NDUFA10: variants seen among roughly 807,000 people sequenced by gnomAD.
NDUFA10 encodes the protein NADH dehydrogenase [ubiquinone] 1 alpha subcomplex subunit 10, mitochondrial.
Under a neutral mutation model 47.8 loss-of-function variants are expected in NDUFA10, and 40 were observed. The observed-to-expected ratio is 0.84, with a 90% CI of 0.65 to 1.09. NDUFA10 has a LOEUF of 1.09. Among genes scored for constraint, NDUFA10 ranks in the 50% least tolerant of loss-of-function variants. The probability of loss-of-function intolerance (pLI) is 0.00; values close to 1 mark genes in which losing one functional copy is unlikely to be tolerated. For missense variants in NDUFA10, 413 were observed against 451.1 expected (o/e 0.92, Z 0.76); for synonymous variants, 183 against 172.2 (o/e 1.06, Z -0.49).
At chr2:239,989,740 CAA>C (rs914697688) in intron 9 of NDUFA10, among the ~76,000 whole-genome samples, 1 of 152,194 alleles carries the variant, frequency 6.6e-6, no homozygotes, top group Non-Finnish European at 1.5e-5. Context: ...TATTTACAGA[CAA>C]AGAGTAAGAA....
chr2:239,983,370 ATG>A (rs1314609874), intron 9 of NDUFA10: 53 of 1,315,412 alleles, frequency 4.0e-5, no homozygotes, highest in Non-Finnish European at 5.2e-5. Context: ...ACTGCTGCTG[ATG>A]TCTCTGATGG....
At chr2:239,914,331 TACAG>T (rs1270929465) in intron 4 of NDUFA10, among the ~76,000 whole-genome samples, 1 of 130,414 alleles carries the variant, frequency 7.7e-6, no homozygotes, top group African/African-American at 3.0e-5. Context: ...CACATACATA[TACAG>T]ACACACACAA....
intron 9 of NDUFA10, among the ~76,000 whole-genome samples, chr2:239,989,083 C>A (rs112401251): frequency 6.7e-4 from 102 of 152,318 alleles, no homozygotes; most frequent in African/African-American, 2.4e-3. Flanking sequence ...ACAGCACACA[C>A]ACTCACACAC....
chr2:239,988,042 T>G (rs1284834960), intron 9 of NDUFA10, among the ~76,000 whole-genome samples: 1 of 151,974 alleles, frequency 6.6e-6, no homozygotes, highest in Non-Finnish European at 1.5e-5. Context: ...TATAAAACAG[T>G]AAGATAACTA....
At position 240,018,613 on chromosome 2, in the gene NDUFA10, T is replaced by C. The variant is rs754283312; in HGVS notation, c.487A>G (p.Ile163Val). ...TGQGVVLERS[I>V]FSDFVFLEAM... ...TCCAGGAACACAAAGTCACTGAAGA[T>C]GGAGCGCTCCAACACAACACCTTGT... Residue 163 changes from isoleucine to valine, a missense_variant, in exon 4 of 10, where the codon ATC becomes GTC. By Grantham distance (29) the Ile-to-Val change is conservative. Coordinates refer to ENST00000252711, the MANE Select transcript of NDUFA10 (RefSeq NM_004544.4). The C allele has an allele frequency of 1.2e-6, 2 of 1,614,184 alleles. No individual in the cohort carries two copies. The highest frequency in any genetic ancestry group is 1.1e-5 in the South Asian group (1 of 91,082).
At chr2:239,915,629 CA>C (rs1171848797) in intron 4 of NDUFA10, among the ~76,000 whole-genome samples, 1 of 149,214 alleles carries the variant, frequency 6.7e-6, no homozygotes, top group Non-Finnish European at 1.5e-5. Flanking sequence ...CAGACACACA[CA>C]AATATACAGA....
intron 9 of NDUFA10, chr2:239,982,097 G>A: frequency 1.2e-6 from 2 of 1,612,376 alleles, no homozygotes; most frequent in South Asian, 2.2e-5. Flanking sequence ...CAGCAAACCA[G>A]TGACCTGACA....
At chr2:239,898,769 C>T (rs772610466) in intron 4 of NDUFA10, among the ~76,000 whole-genome samples, 12 of 152,332 alleles carry the variant, frequency 7.9e-5, no homozygotes, top group African/African-American at 2.2e-4. Context: ...GAGTGCACAA[C>T]GAAGTCCTAC....
chr2:240,001,414 T>C (rs1333063193), intron 8 of NDUFA10, among the ~76,000 whole-genome samples: 2 of 152,228 alleles, frequency 1.3e-5, no homozygotes, highest in Non-Finnish European at 2.9e-5. Context: ...TATATACACA[T>C]GGTTCTGAGC....
intron 7 of NDUFA10, among the ~76,000 whole-genome samples, chr2:240,006,078 C>A (rs79544075): frequency 6.6e-6 from 1 of 152,142 alleles, no homozygotes; most frequent in Non-Finnish European, 1.5e-5. Context: ...TCTTTCCATA[C>A]GCATTCTCTC....
In NDUFA10 at chr2:240,016,360, G is replaced by A. The variant is rs1319744042; in HGVS notation, c.548-1500C>T. ...CTGAGGTGAAACCTCCCTTCACCGA[G>A]TCTGCTCTCACCCTGCTTCCCACCC... On this transcript the variant is annotated intron_variant, in intron 4 of 9. Transcript: ENST00000252711. The surrounding 1 kb of genome is among the most constrained non-coding windows in gnomAD (Gnocchi z 4.4). Among the ~76,000 whole-genome samples the A allele has an allele frequency of 3.3e-5, 5 of 152,154 alleles. No individual in the cohort carries two copies.
chr2:239,973,117 C>T (rs868054124), intron 9 of NDUFA10, among the ~76,000 whole-genome samples: 4 of 152,142 alleles, frequency 2.6e-5, no homozygotes, highest in Admixed American at 6.5e-5. Flanking sequence ...AGATTAACGC[C>T]GAGTTTCTAT....
At chr2:239,920,152 T>C (rs1175925273) in intron 4 of NDUFA10, among the ~76,000 whole-genome samples, 1 of 152,170 alleles carries the variant, frequency 6.6e-6, no homozygotes, top group Non-Finnish European at 1.5e-5. Context: ...GGCCCCATGA[T>C]GGGACTGGGA....
In NDUFA10 at chr2:239,899,111, C is replaced by A. The variant is rs188350302; in HGVS notation, c.295-3797G>T. 8.6e-3 allele frequency among the ~76,000 whole-genome samples: 31 copies of A among 3,592 alleles called. 8 individuals are homozygous for A. The highest frequency in any genetic ancestry group is 0.045 in the South Asian group (1 of 22). 2.4% of individuals were successfully genotyped at this position (3,592 alleles called of 152,430 possible). A position where few individuals can be genotyped will look rare whatever the true frequency, so the allele number is the denominator to read the frequency against. On this transcript the variant is annotated intron_variant, in intron 4 of 5. Transcript: ENST00000419408. ...GGAGGGGTGTGGTGGAGGGGTGTGA[C>A]GGAGGGGTGTGATGGAGAGGTGTGA...
At chr2:239,925,643 G>T (rs574279866) in intron 4 of NDUFA10, among the ~76,000 whole-genome samples, 2 of 152,144 alleles carry the variant, frequency 1.3e-5, no homozygotes, top group Admixed American at 1.3e-4. Context: ...GACTTGACTC[G>T]TAAAGTATTA....
chr2:239,989,048 C>T (rs943554825), intron 9 of NDUFA10, among the ~76,000 whole-genome samples: 2 of 152,022 alleles, frequency 1.3e-5, no homozygotes, highest in Non-Finnish European at 2.9e-5. Context: ...CGCACTCACA[C>T]AAGTATACAA....
intron 3 of NDUFA10, 95 bp from the exon 4 acceptor site, chr2:240,018,734 C>G: frequency 7.7e-7 from 1 of 1,294,942 alleles, no homozygotes; most frequent in Middle Eastern, 2.1e-4. Context: ...AAATAACAAT[C>G]ATTTACAATT....
intron 9 of NDUFA10, among the ~76,000 whole-genome samples, chr2:239,966,721 T>TC (rs1472624277): frequency 5.9e-5 from 9 of 151,420 alleles, no homozygotes; most frequent in African/African-American, 9.7e-5. Context: ...TGCTACCCTC[T>TC]CCCCCACCAA....
intron 1 of NDUFA10, among the ~76,000 whole-genome samples, chr2:240,022,560 C>T (rs1697671005): frequency 6.7e-6 from 1 of 148,706 alleles, no homozygotes; most frequent in Non-Finnish European, 1.5e-5. Flanking sequence ...TTGTTCACTG[C>T]TAAATCCTCA....
Sources: gnomAD v4.1 joint callset for allele counts (sites outside exome capture counted in the v4.1 genomes callset) on GRCh38, gnomAD v4.1.1 for gene constraint, Gnocchi (gnomAD v3.1) non-coding constraint, MANE v1.5 for transcripts, NCBI Gene and HGNC (gene_info 2026-07-23, HGNC 2026-07-21) for gene names.